ABLIM2: variants seen among roughly 807,000 people sequenced by gnomAD.
The protein encoded by ABLIM2 is actin binding LIM protein family member 2.
Under a neutral mutation model 97.7 loss-of-function variants are expected in ABLIM2, and 53 were observed. That is an observed-to-expected ratio of 0.54 (90% CI 0.44 to 0.68). The LOEUF (loss-of-function observed/expected upper bound fraction) is 0.68, where lower values mean the gene tolerates loss of function less well. Among genes scored for constraint, ABLIM2 ranks in the 30% least tolerant of loss-of-function variants. The pLI, the probability that ABLIM2 is intolerant of heterozygous loss-of-function variation, is 0.00. For synonymous variants in ABLIM2, 361 were observed against 345.8 expected (o/e 1.04, Z -0.49); for missense variants, 835 against 867.2 (o/e 0.96, Z 0.47).
chr4:8,029,579 A>T, intron 11 of ABLIM2, 77 bp downstream of exon 11: 12 of 1,336,332 alleles, frequency 9.0e-6, no homozygotes, highest in Non-Finnish European at 1.2e-5. Flanking sequence ...TAACCGAAAA[A>T]AAAAACTAAA....
chr4:8,033,401 G>T lies in ABLIM2; in HGVS notation c.1047+2748C>A, dbSNP rs1782233355. Among the ~76,000 whole-genome samples the T allele has an allele frequency of 6.6e-6, 1 of 152,222 alleles. No homozygotes were observed. Among genetic ancestry groups the T allele is most frequent in the South Asian group, 2.1e-4 (1 of 4,834 alleles). On this transcript the variant is annotated intron_variant, in intron 10 of 20. Coordinates refer to ENST00000447017, the MANE Select transcript of ABLIM2 (RefSeq NM_001130083.2). This position sits in a 1 kb window ranked among gnomAD's most constrained non-coding sequence, Gnocchi z 4.5. ...TGCCACGGGCCCTGTGAAGCCCTGT[G>T]CCATGGGAGGTGGGAAGCTGAAGGC...
In ABLIM2 at chr4:8,120,214, C is replaced by T. The variant is rs1267079491; in HGVS notation, c.11-13577G>A. Among the ~76,000 whole-genome samples, 1 of 152,108 alleles carries T rather than the reference C, an allele frequency of 6.6e-6. No homozygotes were observed. Among genetic ancestry groups the T allele is most frequent in the East Asian group, 1.9e-4 (1 of 5,180 alleles). ...TGGCAGGAAGCAAGAGCGGTGCCAG[C>T]GGGGAGCTCGAGCCATCTCTGTGGG... On this transcript the variant is annotated intron_variant, in intron 1 of 20. Transcript: ENST00000447017. This position sits in a 1 kb window ranked among gnomAD's most constrained non-coding sequence, Gnocchi z 5.6.
chr4:8,121,654 T>A (rs997923219), intron 1 of ABLIM2, among the ~76,000 whole-genome samples: 1 of 152,174 alleles, frequency 6.6e-6, no homozygotes, highest in African/African-American at 2.4e-5. Context: ...CAGGGTCTCA[T>A]TGCCTTGAGC....
At chr4:8,062,080 C>T (rs1008028208) in intron 6 of ABLIM2, among the ~76,000 whole-genome samples, 2 of 151,706 alleles carry the variant, frequency 1.3e-5, no homozygotes, top group African/African-American at 2.4e-5. Flanking sequence ...GCCCAGGCCT[C>T]GGCACCAGCT....
intron 1 of ABLIM2, among the ~76,000 whole-genome samples, chr4:8,116,426 C>T (rs1035306110): frequency 6.6e-6 from 1 of 152,236 alleles, no homozygotes; most frequent in Non-Finnish European, 1.5e-5. Context: ...CTTCTGCTAT[C>T]GCACACATGG....
At chr4:8,010,550 C>T (rs1366866530) in intron 14 of ABLIM2, 1 of 985,790 alleles carries the variant, frequency 1.0e-6, no homozygotes, top group Non-Finnish European at 1.2e-6. Context: ...GCTACAGGAC[C>T]TTGACAAGAT....
intron 14 of ABLIM2, among the ~76,000 whole-genome samples, chr4:8,016,270 C>T (rs1218126017): frequency 1.3e-5 from 2 of 152,114 alleles, no homozygotes; most frequent in East Asian, 1.9e-4. Flanking sequence ...TCTCAAACTC[C>T]TGACCTCACG....
Position 8,117,552 on chromosome 4 carries a change from C to A in ABLIM2, c.11-10915G>T, listed in dbSNP as rs181830572. On this transcript the variant is annotated intron_variant, in intron 1 of 20. Transcript: ENST00000447017. Reference sequence around the variant, plus strand: ...CAGGCTCTACTAAGACTCCACCCACCAGAGGCTCCACCCCCAGCAGACTCC... The same window carrying A: ...CAGGCTCTACTAAGACTCCACCCACAAGAGGCTCCACCCCCAGCAGACTCC... Among the ~76,000 whole-genome samples, 46 of 151,908 alleles carry A rather than the reference C, an allele frequency of 3.0e-4. No individual in the cohort carries two copies. In the East Asian group the frequency reaches 8.3e-3, roughly 28 times the overall value.
chr4:8,128,612 C>T lies in ABLIM2; in HGVS notation c.11-21975G>A, dbSNP rs1157250533. On this transcript the variant is annotated intron_variant, in intron 1 of 20. Transcript: ENST00000447017. The surrounding 1 kb of genome is among the most constrained non-coding windows in gnomAD (Gnocchi z 4.9). ...TGCACAGCAGGTCTCCTTGCCCTGG[C>T]TCTAAGGCAGGAAAGCGATGAAGTC... is the stretch of plus-strand genomic sequence containing the variant. Among the ~76,000 whole-genome samples the T allele has an allele frequency of 6.6e-6, 1 of 152,238 alleles. No individual in the cohort carries two copies. Among genetic ancestry groups the T allele is most frequent in the Non-Finnish European group, 1.5e-5 (1 of 68,052 alleles).
chr4:8,142,617 C>G (rs1323602898), intron 1 of ABLIM2, among the ~76,000 whole-genome samples: 1 of 152,214 alleles, frequency 6.6e-6, no homozygotes, highest in Non-Finnish European at 1.5e-5. Context: ...GGGTCAGCTG[C>G]TGAATGGTGC....
chr4:8,104,238 G>A (rs1222662541), intron 2 of ABLIM2, among the ~76,000 whole-genome samples: 2 of 152,206 alleles, frequency 1.3e-5, no homozygotes, highest in Non-Finnish European at 2.9e-5. Flanking sequence ...CACACCCACA[G>A]CTCGTGCACT....
At chr4:8,097,328 C>G (rs1832160241) in intron 2 of ABLIM2, 46 bp from the exon 3 acceptor site, 1 of 1,544,916 alleles carries the variant, frequency 6.5e-7, no homozygotes, top group African/African-American at 1.4e-5. Flanking sequence ...AGGGGACCAT[C>G]TCCACGTCCC....
At chr4:8,097,993 C>G (rs1033123154) in intron 2 of ABLIM2, among the ~76,000 whole-genome samples, 1 of 152,198 alleles carries the variant, frequency 6.6e-6, no homozygotes, top group Admixed American at 6.5e-5. Context: ...GGGATCTCTG[C>G]CAGGTAGGGA....
chr4:8,012,993 G>C (rs890728706), intron 14 of ABLIM2, among the ~76,000 whole-genome samples: 5 of 152,134 alleles, frequency 3.3e-5, no homozygotes, highest in Admixed American at 3.3e-4. Context: ...CTTAAGAATG[G>C]GGGATGCAGA....
At chr4:8,157,992 C>A (rs1715934889) in intron 1 of ABLIM2, among the ~76,000 whole-genome samples, 1 of 152,274 alleles carries the variant, frequency 6.6e-6, no homozygotes, top group Admixed American at 6.5e-5. Context: ...GTTTCCCCAA[C>A]AGCACAAGGC....
In ABLIM2 at chr4:8,061,021, G is replaced by A. The variant is rs776370935; in HGVS notation, c.709C>T (p.Leu237=). 2.5e-6 allele frequency: 4 copies of A among 1,598,930 alleles called. No individual in the cohort carries two copies. The South Asian group carries it at 3.4e-5, about 14-fold the overall frequency. The part of the protein sequence containing the change: ...GEKHYHPSCA[L]CVRCGQMFAE... ...AACATCTGGCCGCACCTGACACATAGCGCGCAGGAAGGGTGGTAGTGCTTC... is the reference window on the plus strand; with the variant it reads ...AACATCTGGCCGCACCTGACACATAACGCGCAGGAAGGGTGGTAGTGCTTC... The change falls in exon 7 of 21, where the codon CTA becomes TTA. Residue 237 remains leucine (L), a synonymous_variant. Coordinates refer to ENST00000447017, the MANE Select transcript of ABLIM2 (RefSeq NM_001130083.2). This position sits in a 1 kb window ranked among gnomAD's most constrained non-coding sequence, Gnocchi z 4.5.
At chr4:8,042,443 G>T (rs1459186259) in intron 9 of ABLIM2, among the ~76,000 whole-genome samples, 1 of 152,202 alleles carries the variant, frequency 6.6e-6, no homozygotes, top group Admixed American at 6.5e-5. Flanking sequence ...AGGAGCATCT[G>T]AGCAGACGGC....
At chr4:8,106,855 T>A (rs527291316) in intron 1 of ABLIM2, among the ~76,000 whole-genome samples, 49 of 152,264 alleles carry the variant, frequency 3.2e-4, no homozygotes, top group African/African-American at 1.1e-3. Flanking sequence ...AGGGAGAAGG[T>A]CATCTGGTCA....
At chr4:7,988,459 CA>C (rs1746168011) in intron 17 of ABLIM2, among the ~76,000 whole-genome samples, 1 of 152,200 alleles carries the variant, frequency 6.6e-6, no homozygotes, top group Non-Finnish European at 1.5e-5. Flanking sequence ...GATCATATGA[CA>C]AATACATGGG....
Sources: allele counts gnomAD v4.1 joint callset (sites outside exome capture counted in the v4.1 genomes callset), GRCh38; gene constraint gnomAD v4.1.1; non-coding constraint Gnocchi (gnomAD v3.1); transcripts MANE v1.5; gene names NCBI Gene and HGNC (gene_info 2026-07-23, HGNC 2026-07-21).